Variants in PEPD observed in about 807,000 individuals in gnomAD.
PEPD encodes the protein xaa-Pro dipeptidase.
In PEPD, 53 loss-of-function variants were observed where a neutral mutation model predicts 60.7. The ratio of observed to expected loss-of-function variants is 0.87; its 90% CI spans 0.70 to 1.10. The LOEUF (loss-of-function observed/expected upper bound fraction) is 1.10, where lower values mean the gene tolerates loss of function less well. Ranked by LOEUF, PEPD falls within the 50% of genes least tolerant of loss-of-function variation. The pLI, the probability that PEPD is intolerant of heterozygous loss-of-function variation, is 0.00. For synonymous variants in PEPD, 267 were observed against 284.1 expected, an observed-to-expected ratio of 0.94 and a Z score of 0.60; for missense variants, 711 against 711.9, an observed-to-expected ratio of 1.00 and a Z score of 0.01.
At chr19:33,442,514 C>T (rs1969499548) in intron 9 of PEPD, among the ~76,000 whole-genome samples, 1 of 146,382 alleles carries the variant, frequency 6.8e-6, no homozygotes, top group African/African-American at 2.5e-5. Context: ...TCCTGGCTAA[C>T]ACAGTGAAAA....
intron 7 of PEPD, among the ~76,000 whole-genome samples, chr19:33,470,788 C>T (rs1970107704): frequency 6.6e-6 from 1 of 152,170 alleles, no homozygotes; most frequent in South Asian, 2.1e-4. Flanking sequence ...CAACCTTCCC[C>T]ACCCCATGGC....
At chr19:33,455,354 G>C (rs938187542) in intron 9 of PEPD, among the ~76,000 whole-genome samples, 3 of 151,908 alleles carry the variant, frequency 2.0e-5, no homozygotes, top group Admixed American at 6.6e-5. Flanking sequence ...CGTGGAAAAG[G>C]CCAAGGGAGA....
intron 9 of PEPD, among the ~76,000 whole-genome samples, chr19:33,453,317 A>AAAAAAAAAAAT (rs1555762504): frequency 6.0e-4 from 89 of 148,736 alleles, no homozygotes; most frequent in Admixed American, 1.9e-3. Context: ...CTGTCATAAA[A>AAAAAAAAAAAT]AAATAAATAA....
At chr19:33,396,373 G>A (rs1407320196) in intron 12 of PEPD, among the ~76,000 whole-genome samples, 1 of 152,078 alleles carries the variant, frequency 6.6e-6, no homozygotes, top group African/African-American at 2.4e-5. Flanking sequence ...CGGGGCAGGT[G>A]CTGCTGGGCC....
At chr19:33,408,122 G>A (rs1316482386) in intron 11 of PEPD, among the ~76,000 whole-genome samples, 1 of 152,240 alleles carries the variant, frequency 6.6e-6, no homozygotes, top group African/African-American at 2.4e-5. Context: ...AGCAGTAGGA[G>A]GGGGGCCTAG....
At chr19:33,516,073 A>G (rs76179687) in intron 1 of PEPD, among the ~76,000 whole-genome samples, 14,740 of 152,058 alleles carry the variant, frequency 0.097, 741 homozygotes, top group East Asian at 0.15. Context: ...CAGGGCTCTG[A>G]GCATAAGAAG....
At chr19:33,438,867 G>A (rs750970941) in intron 9 of PEPD, among the ~76,000 whole-genome samples, 1 of 152,188 alleles carries the variant, frequency 6.6e-6, no homozygotes, top group Non-Finnish European at 1.5e-5. Context: ...TTACAGGCAC[G>A]CACCACCATG....
chr19:33,476,801 C>T (rs889072182), intron 7 of PEPD, among the ~76,000 whole-genome samples: 2 of 152,054 alleles, frequency 1.3e-5, no homozygotes, highest in Non-Finnish European at 2.9e-5. Flanking sequence ...AGAGCTGGGA[C>T]TACAGGTGCC....
chr19:33,475,282 A>G (rs1478105407), intron 7 of PEPD, among the ~76,000 whole-genome samples: 1 of 151,986 alleles, frequency 6.6e-6, no homozygotes, highest in Non-Finnish European at 1.5e-5. Flanking sequence ...TAAGGGCAAA[A>G]GATGAGTCCC....
In PEPD at chr19:33,501,016, CA is replaced by C; in HGVS notation, c.330-16del. 6.5e-7 allele frequency: 1 copy of C among 1,532,850 alleles called. No individual in the cohort carries two copies. Among genetic ancestry groups the C allele is most frequent in the Non-Finnish European group, 9.0e-7 (1 of 1,106,056 alleles). The allele number at this position is 1,532,850 out of a possible 1,614,324, so 95.0% of individuals were successfully genotyped here. ...TGGAATGGATCCTCAAAGAAAAGCA[CA>C]AGGAATATCAGGGTCAGGGCTTGGT... On this transcript the variant is annotated splice_polypyrimidine_tract_variant and intron_variant, in intron 3 of 14. Coordinates refer to ENST00000244137, the MANE Select transcript of PEPD (RefSeq NM_000285.4).
chr19:33,501,484 T>C (rs1970712596), intron 3 of PEPD, among the ~76,000 whole-genome samples: 1 of 152,068 alleles, frequency 6.6e-6, no homozygotes, highest in Non-Finnish European at 1.5e-5. Flanking sequence ...ATCCAGACCA[T>C]CCTGGCTAAC....
Position 33,461,722 on chromosome 19 carries a change from G to T in PEPD, c.671+1273C>A, listed in dbSNP as rs571261701. ...GCCCCACAACACACTTCCCATCCCA[G>T]ATCCTCGGAGCGGGCAGGGGGTCCT... On this transcript the variant is annotated intron_variant, in intron 9 of 14. Transcript: ENST00000244137. Among the ~76,000 whole-genome samples, 3 of 152,338 alleles carry T rather than the reference G, an allele frequency of 2.0e-5. No homozygotes were observed. In the South Asian group the frequency reaches 6.2e-4, roughly 32 times the overall value.
At chr19:33,400,040 G>A (rs1183278206) in intron 12 of PEPD, among the ~76,000 whole-genome samples, 4 of 152,180 alleles carry the variant, frequency 2.6e-5, no homozygotes, top group African/African-American at 9.7e-5. Flanking sequence ...GAAGCCTTGC[G>A]CTACTGGGCT....
At chr19:33,414,850 A>G (rs1968855253) in intron 9 of PEPD, among the ~76,000 whole-genome samples, 1 of 152,220 alleles carries the variant, frequency 6.6e-6, no homozygotes, top group Non-Finnish European at 1.5e-5. Flanking sequence ...CTGCGAGTGA[A>G]ATATTTCCTG....
chr19:33,510,037 C>A (rs1296355456), intron 3 of PEPD, among the ~76,000 whole-genome samples: 1 of 152,256 alleles, frequency 6.6e-6, no homozygotes, highest in Non-Finnish European at 1.5e-5. Flanking sequence ...AAACCCAACC[C>A]ACCACCCTCA....
chr19:33,520,463 G>A (rs2145367413), intron 1 of PEPD, among the ~76,000 whole-genome samples: 1 of 152,312 alleles, frequency 6.6e-6, no homozygotes, highest in South Asian at 2.1e-4. Flanking sequence ...TGAGCTCAGA[G>A]TCCATGCCCC....
At position 33,458,761 on chromosome 19, in the gene PEPD, G is replaced by GT. The variant is rs1408433680; in HGVS notation, c.671+4233dup. ...GTGTTGTGTGAGGTGTACGTAGTGT[G>GT]TATGGTATGTGTGGGGGTGTGTGAG... is the stretch of plus-strand genomic sequence containing the variant. On this transcript the variant is annotated intron_variant, in intron 9 of 14. Transcript: ENST00000244137. Among the ~76,000 whole-genome samples, 14 of 138,846 alleles carry GT rather than the reference G, an allele frequency of 1.0e-4. No homozygotes were observed. In the South Asian group the frequency reaches 3.2e-3, roughly 32 times the overall value. The allele number at this position is 138,846 out of a possible 152,430, so 91.1% of individuals were successfully genotyped here.
rs556011837 is a variant in PEPD at position 33,476,494 on chromosome 19, G to A, written c.548+1552C>T. On this transcript the variant is annotated intron_variant, in intron 7 of 14. Transcript: ENST00000244137. ...TGCCCTTCACTCACGCATCATAACC[G>A]GTCCCTCCCAGGAGCTTTCCCTCTT... Among the ~76,000 whole-genome samples, 15 of 151,946 alleles carry A rather than the reference G, an allele frequency of 9.9e-5. No homozygotes were observed. In the East Asian group the frequency reaches 2.7e-3, roughly 28 times the overall value.
chr19:33,490,272 GC>G (rs558536032), intron 5 of PEPD, among the ~76,000 whole-genome samples: 240 of 152,318 alleles, frequency 1.6e-3, no homozygotes, highest in Non-Finnish European at 3.0e-3. Context: ...GGAAGTGGGG[GC>G]CCCCCAAACT....
Sources: allele counts gnomAD v4.1 joint callset (sites outside exome capture counted in the v4.1 genomes callset), GRCh38; gene constraint gnomAD v4.1.1; transcripts MANE v1.5; gene names NCBI Gene and HGNC (gene_info 2026-07-23, HGNC 2026-07-21).